The following ADAMTSL1 variants were observed in gnomAD, a reference collection of about 807,000 sequenced individuals.
ADAMTSL1 encodes ADAMTS like 1, also known as ADAMTS-like protein 1.
In ADAMTSL1, 126 loss-of-function variants were observed where a neutral mutation model predicts 201.8. That is an observed-to-expected ratio of 0.62 (90% CI 0.54 to 0.72). The LOEUF (loss-of-function observed/expected upper bound fraction) is 0.72, where lower values mean the gene tolerates loss of function less well. ADAMTSL1 is among the 30% of genes least tolerant of loss of function. The probability of loss-of-function intolerance (pLI) is 0.00; values close to 1 mark genes in which losing one functional copy is unlikely to be tolerated. For missense variants in ADAMTSL1, 2,679 were observed against 2,277.8 expected (o/e 1.18, Z -3.59); for synonymous variants, 1,121 against 903.4 (o/e 1.24, Z -4.32).
At chr9:18,851,678 T>C (rs1212628860) in intron 23 of ADAMTSL1, among the ~76,000 whole-genome samples, 3 of 152,176 alleles carry the variant, frequency 2.0e-5, no homozygotes, top group African/African-American at 7.2e-5. Context: ...CTCTTCTGAT[T>C]CTTCCCTTGG....
At chr9:18,808,748 C>G (rs1308285040) in intron 20 of ADAMTSL1, among the ~76,000 whole-genome samples, 1 of 152,304 alleles carries the variant, frequency 6.6e-6, no homozygotes, top group East Asian at 1.9e-4. Flanking sequence ...CCTGGGAATT[C>G]TGAGGCAGCC....
intron 16 of ADAMTSL1, among the ~76,000 whole-genome samples, chr9:18,767,770 C>G (rs138521930): frequency 1.5e-3 from 232 of 152,262 alleles, no homozygotes; most frequent in African/African-American, 5.3e-3. Flanking sequence ...CAAATGAGGG[C>G]TAAAATTAAA....
At chr9:18,004,832 AG>A (rs1400963643) in intron 1 of ADAMTSL1, among the ~76,000 whole-genome samples, 4 of 152,084 alleles carry the variant, frequency 2.6e-5, no homozygotes, top group Admixed American at 2.6e-4. Flanking sequence ...CATTGACTGA[AG>A]GAGGAAAATT....
intron 2 of ADAMTSL1, among the ~76,000 whole-genome samples, chr9:18,323,362 A>G (rs994035255): frequency 2.0e-5 from 3 of 152,214 alleles, no homozygotes; most frequent in African/African-American, 4.8e-5. Flanking sequence ...AACTTTTGGC[A>G]AATTAGAAAG....
intron 1 of ADAMTSL1, among the ~76,000 whole-genome samples, chr9:18,029,322 G>A (rs1820833396): frequency 6.6e-6 from 1 of 152,136 alleles, no homozygotes; most frequent in South Asian, 2.1e-4. Flanking sequence ...AATAAATGGT[G>A]CTGGGAAAAC....
chr9:18,317,328 CT>C (rs1329426670), intron 2 of ADAMTSL1, among the ~76,000 whole-genome samples: 1 of 151,674 alleles, frequency 6.6e-6, no homozygotes, highest in Non-Finnish European at 1.5e-5. Context: ...AGCATGGTGA[CT>C]TTTATTAATA....
intron 2 of ADAMTSL1, among the ~76,000 whole-genome samples, chr9:18,452,071 G>A (rs991885277): frequency 3.9e-5 from 6 of 152,070 alleles, no homozygotes; most frequent in Admixed American, 1.3e-4. Context: ...GTGCCACCAC[G>A]CCTGGCTAAT....
In ADAMTSL1 at chr9:18,183,761, G is replaced by C. The variant is rs147242703; in HGVS notation, c.207+19780G>C. On this transcript the variant is annotated intron_variant, in intron 2 of 29. Transcript: ENST00000680146. ...AACATTCAGTAATTTATGTAAAAAA[G>C]AATAAACCAGTCTTTATTTACAGGT... Among the ~76,000 whole-genome samples, 77 of 152,188 alleles carry C rather than the reference G, an allele frequency of 5.1e-4. 3 individuals carry two copies. The East Asian group carries it at 0.014, about 28-fold the overall frequency.
At chr9:18,420,652 AG>A (rs144623425) in intron 2 of ADAMTSL1, among the ~76,000 whole-genome samples, 2,796 of 152,272 alleles carry the variant, frequency 0.018, 90 homozygotes, top group African/African-American at 0.064. Context: ...CATTGATAGC[AG>A]GGGACCTGTT....
At chr9:18,049,927 C>T (rs948457532) in intron 1 of ADAMTSL1, among the ~76,000 whole-genome samples, 6 of 151,844 alleles carry the variant, frequency 4.0e-5, no homozygotes, top group Admixed American at 6.6e-5. Flanking sequence ...CCGGCCCGGA[C>T]TTCTGATTCT....
intron 2 of ADAMTSL1, among the ~76,000 whole-genome samples, chr9:18,420,156 TG>T (rs1342707922): frequency 1.3e-5 from 2 of 152,182 alleles, no homozygotes; most frequent in African/African-American, 4.8e-5. Flanking sequence ...CTTTTAATGG[TG>T]AAAACCGCAA....
chr9:18,245,700 CCTT>C (rs374837888), intron 2 of ADAMTSL1, among the ~76,000 whole-genome samples: 3 of 151,322 alleles, frequency 2.0e-5, no homozygotes, highest in African/African-American at 7.3e-5. Flanking sequence ...CACAGTCCCT[CCTT>C]TTTTTTTTTT....
chr9:18,736,951 A>G (rs1301417247), intron 15 of ADAMTSL1, among the ~76,000 whole-genome samples: 1 of 152,218 alleles, frequency 6.6e-6, no homozygotes, highest in East Asian at 1.9e-4. Flanking sequence ...TATCTGAAAT[A>G]GATGCATTTT....
intron 2 of ADAMTSL1, among the ~76,000 whole-genome samples, chr9:18,343,287 C>T (rs934081163): frequency 2.0e-5 from 3 of 152,004 alleles, no homozygotes; most frequent in Admixed American, 6.6e-5. Flanking sequence ...TGTTTCTTCC[C>T]CTTTCATTTT....
chr9:18,104,347 T>G (rs1346513202), intron 1 of ADAMTSL1, among the ~76,000 whole-genome samples: 1 of 152,164 alleles, frequency 6.6e-6, no homozygotes, highest in Non-Finnish European at 1.5e-5. Context: ...AGGGACGAAG[T>G]CAGGGATGAG....
At chr9:18,026,442 T>G (rs1820698976) in intron 1 of ADAMTSL1, among the ~76,000 whole-genome samples, 1 of 152,076 alleles carries the variant, frequency 6.6e-6, no homozygotes, top group South Asian at 2.1e-4. Context: ...ATTGAAAGCT[T>G]TTTCTGTGTC....
chr9:18,076,538 G>T (rs1437635057), intron 1 of ADAMTSL1, among the ~76,000 whole-genome samples: 1 of 152,218 alleles, frequency 6.6e-6, no homozygotes, highest in African/African-American at 2.4e-5. Flanking sequence ...TCTCTAAGGA[G>T]CTGGACATTA....
At chr9:18,384,603 C>T (rs1278861264) in intron 2 of ADAMTSL1, among the ~76,000 whole-genome samples, 4 of 152,238 alleles carry the variant, frequency 2.6e-5, no homozygotes, top group East Asian at 1.9e-4. Context: ...CCTGCCCCAC[C>T]GGGATGTGTA....
chr9:17,919,184 T>G (rs898984001), intron 1 of ADAMTSL1, among the ~76,000 whole-genome samples: 2 of 151,842 alleles, frequency 1.3e-5, no homozygotes, highest in African/African-American at 2.4e-5. Flanking sequence ...AAATCAATGA[T>G]AAGTATTAAT....
Sources: gnomAD v4.1 joint callset for allele counts (sites outside exome capture counted in the v4.1 genomes callset) on GRCh38, gnomAD v4.1.1 for gene constraint, MANE v1.5 for transcripts, NCBI Gene and HGNC (gene_info 2026-07-23, HGNC 2026-07-21) for gene names.